TP63: variants seen among roughly 807,000 people sequenced by gnomAD.
TP63 encodes tumor protein 63.
In TP63, 17 loss-of-function variants were observed where a neutral mutation model predicts 82.8. The ratio of observed to expected loss-of-function variants is 0.21; its 90% confidence interval spans 0.14 to 0.31. The LOEUF (loss-of-function observed/expected upper bound fraction) is 0.31. Ranked by LOEUF, TP63 falls within the 10% of genes least tolerant of loss-of-function variation. The pLI is 1.00. For synonymous variants in TP63, 330 were observed against 321.7 expected (o/e 1.03, Z -0.28); for missense variants, 648 against 895.3 (o/e 0.72, Z 3.52).
chr3:189,827,657 A>C (rs1190578389), intron 4 of TP63, among the ~76,000 whole-genome samples: 1 of 152,184 alleles, frequency 6.6e-6, no homozygotes, highest in Non-Finnish European at 1.5e-5. Context: ...GTGTTATGTA[A>C]GTCTAGGAGT....
At position 189,872,939 on chromosome 3, in the gene TP63, A is replaced by G. The variant is rs776375615; in HGVS notation, c.1293A>G (p.Thr431=). The change falls in exon 10 of 14, where the codon ACA becomes ACG. Residue 431 remains threonine, a synonymous_variant. Transcript: ENST00000264731. The stretch of plus-strand genomic sequence containing the variant: ...TCATGCAGTACCTTCCTCAGCACAC[A>G]ATTGAAACGTACAGGCAACAGCAAC... ...LELMQYLPQH[T]IETYRQQQQQ... 3.1e-6 allele frequency: 5 copies of G among 1,614,030 alleles called. No individual in the cohort carries two copies. The highest frequency in any genetic ancestry group is 4.2e-6 in the Non-Finnish European group (5 of 1,180,018).
At chr3:189,771,257 T>C (rs1723316128) in intron 3 of TP63, among the ~76,000 whole-genome samples, 1 of 143,132 alleles carries the variant, frequency 7.0e-6, no homozygotes, top group South Asian at 2.1e-4. Flanking sequence ...GGTGACATTT[T>C]TGATAAAGCT....
chr3:189,806,938 T>C (rs1016839195), intron 3 of TP63, among the ~76,000 whole-genome samples: 1 of 152,234 alleles, frequency 6.6e-6, no homozygotes, highest in Non-Finnish European at 1.5e-5. Context: ...AAGATAAGCC[T>C]AGCTCCTATT....
chr3:189,842,463 G>A (rs1240470684), intron 4 of TP63, among the ~76,000 whole-genome samples: 1 of 152,218 alleles, frequency 6.6e-6, no homozygotes, highest in African/African-American at 2.4e-5. Flanking sequence ...AACTAGGTAT[G>A]TCCAGTAGGG....
chr3:189,794,341 G>A (rs955509572), intron 3 of TP63, among the ~76,000 whole-genome samples: 5 of 151,998 alleles, frequency 3.3e-5, no homozygotes, highest in Admixed American at 1.3e-4. Context: ...TATAATACAG[G>A]AGAGATTTTA....
chr3:189,617,636 G>T, the TP63 span, among the ~76,000 whole-genome samples: 20 of 152,270 alleles, frequency 1.3e-4, no homozygotes, highest in African/African-American at 4.8e-4. Context: ...TTCTTTGGCT[G>T]TTTAATGATG....
chr3:189,597,551 T>A, the TP63 span, among the ~76,000 whole-genome samples: 3 of 152,172 alleles, frequency 2.0e-5, no homozygotes, highest in African/African-American at 7.2e-5. Context: ...AATCAAATGA[T>A]CAAAACCTTA....
At chr3:189,808,203 A>T (rs1727128563) in intron 3 of TP63, 69 bp from the exon 4 acceptor site, 2 of 1,613,916 alleles carry the variant, frequency 1.2e-6, no homozygotes, top group Non-Finnish European at 1.7e-6. Flanking sequence ...TCACCCATGG[A>T]TGCCTTTTTT....
the TP63 span, among the ~76,000 whole-genome samples, chr3:189,607,473 TA>T: frequency 3.3e-5 from 5 of 152,162 alleles, no homozygotes; most frequent in Admixed American, 6.5e-5. Flanking sequence ...TCATTGCAGT[TA>T]TTTATTATTA....
the TP63 span, among the ~76,000 whole-genome samples, chr3:189,613,330 T>G: frequency 1.3e-5 from 2 of 151,650 alleles, no homozygotes; most frequent in Admixed American, 6.6e-5. Flanking sequence ...GGCTGTGGCT[T>G]CAGAGGATGG....
intron 10 of TP63, among the ~76,000 whole-genome samples, chr3:189,877,959 C>T (rs1263532775): frequency 1.3e-5 from 2 of 152,082 alleles, no homozygotes; most frequent in South Asian, 2.1e-4. Context: ...CAAGCGATCC[C>T]CTGCCTCAGC....
chr3:189,723,921 TG>T (rs890386120), intron 1 of TP63, among the ~76,000 whole-genome samples: 2 of 152,062 alleles, frequency 1.3e-5, no homozygotes, highest in African/African-American at 2.4e-5. Context: ...AGGATTACCA[TG>T]GGGAACTTTA....
intron 1 of TP63, among the ~76,000 whole-genome samples, chr3:189,726,979 C>A (rs1719822901): frequency 6.6e-6 from 1 of 152,206 alleles, no homozygotes; most frequent in African/African-American, 2.4e-5. Flanking sequence ...CAAAAGCAGC[C>A]ATATACCAAC....
intron 4 of TP63, among the ~76,000 whole-genome samples, chr3:189,855,976 T>TGAAA (rs1394690123): frequency 6.6e-6 from 1 of 151,972 alleles, no homozygotes; most frequent in Non-Finnish European, 1.5e-5. Flanking sequence ...ATAGAAGGTT[T>TGAAA]GAAATATTTG....
At chr3:189,828,201 G>A (rs547199565) in intron 4 of TP63, among the ~76,000 whole-genome samples, 2 of 151,114 alleles carry the variant, frequency 1.3e-5, no homozygotes, top group Non-Finnish European at 2.9e-5. Flanking sequence ...AGATCGTGCC[G>A]CTGTGCTCCA....
At chr3:189,639,565 CT>C (rs1349218316) in intron 1 of TP63, among the ~76,000 whole-genome samples, 1 of 152,028 alleles carries the variant, frequency 6.6e-6, no homozygotes, top group Non-Finnish European at 1.5e-5. Context: ...ATTTCCAGTT[CT>C]TTTTTCTTTC....
At chr3:189,710,711 G>A (rs75259558) in intron 1 of TP63, among the ~76,000 whole-genome samples, 1,837 of 152,218 alleles carry the variant, frequency 0.012, 36 homozygotes, top group African/African-American at 0.042. Flanking sequence ...TTGAGCTAGA[G>A]GAGGGTGATG....
At chr3:189,683,835 A>G (rs1716185099) in intron 1 of TP63, among the ~76,000 whole-genome samples, 1 of 152,242 alleles carries the variant, frequency 6.6e-6, no homozygotes, top group Non-Finnish European at 1.5e-5. Context: ...TGGAATAACA[A>G]CAACTCAGCA....
At chr3:189,628,428 G>T (rs1449200979), upstream of TP63, among the ~76,000 whole-genome samples, 2 of 152,086 alleles carry the variant, frequency 1.3e-5, no homozygotes, top group East Asian at 3.9e-4. Context: ...CCTGAGTTTG[G>T]CAGAGTGCAT....
Sources: gnomAD v4.1 joint callset for allele counts (sites outside exome capture counted in the v4.1 genomes callset) on GRCh38, gnomAD v4.1.1 for gene constraint, MANE v1.5 for transcripts, NCBI Gene and HGNC (gene_info 2026-07-23, HGNC 2026-07-21) for gene names.